TCERG1: variants seen among roughly 807,000 people sequenced by gnomAD.
TCERG1 encodes TATA box binding protein (TBP)-associated factor, RNA polymerase II, S, 150kD.
A neutral mutation model predicts 144.7 loss-of-function variants in TCERG1; 37 were observed. That is an observed-to-expected ratio of 0.26 (90% CI 0.20 to 0.34). The LOEUF is 0.34. TCERG1 is among the 10% of genes least tolerant of loss of function. The probability of loss-of-function intolerance (pLI) is 1.00; values close to 1 mark genes in which losing one functional copy is unlikely to be tolerated. For synonymous variants in TCERG1, 492 were observed against 458.2 expected, an observed-to-expected ratio of 1.07 and a Z score of -0.94; for missense variants, 1,027 against 1,380.7, an observed-to-expected ratio of 0.74 and a Z score of 4.06.
intron 14 of TCERG1, 58 bp from the exon 15 acceptor site, chr5:146,483,482 T>G: frequency 6.8e-7 from 1 of 1,473,534 alleles, no homozygotes; most frequent in East Asian, 2.3e-5. Flanking sequence ...AGCAAAATTA[T>G]GACCTTTATA....
chr5:146,483,419 A>C, intron 14 of TCERG1, 121 bp from the exon 15 acceptor site: 1 of 781,804 alleles, frequency 1.3e-6, no homozygotes, highest in Non-Finnish European at 2.0e-6. Context: ...TAGTGATGGA[A>C]ACTTCAGTAT....
rs373316151 is a variant in TCERG1, at chr5:146,480,105, C to A, written c.1886+11C>A. The A allele has an allele frequency of 1.3e-6, 2 of 1,569,880 alleles. No homozygotes were observed. Among genetic ancestry groups the A allele is most frequent in the Non-Finnish European group, 1.7e-6 (2 of 1,156,406 alleles). On this transcript the variant is annotated intron_variant, in intron 12 of 22. Coordinates refer to ENST00000679501, the MANE Select transcript of TCERG1 (RefSeq NM_001382548.1). Reference sequence around the variant, plus strand: ...AGCAAAAAAACGGAAGTAAGTAATACATACGATTTGATTGAGGTAGATTAT... The same window carrying A: ...AGCAAAAAAACGGAAGTAAGTAATAAATACGATTTGATTGAGGTAGATTAT...
chr5:146,469,502 G>A (rs377233643), intron 6 of TCERG1, 42 bp from the exon 7 acceptor site: 22 of 1,474,102 alleles, frequency 1.5e-5, no homozygotes, highest in African/African-American at 1.3e-4. Flanking sequence ...TTTGTATTGC[G>A]GTTTGATACT....
chr5:146,506,799 C>G (rs1241515372), intron 19 of TCERG1, among the ~76,000 whole-genome samples: 1 of 152,116 alleles, frequency 6.6e-6, no homozygotes, highest in African/African-American at 2.4e-5. Flanking sequence ...ATGTTGTCCT[C>G]TAGGTTTATC....
At chr5:146,497,756 G>A in intron 16 of TCERG1, among the ~76,000 whole-genome samples, 1 of 152,154 alleles carries the variant, frequency 6.6e-6, no homozygotes, top group East Asian at 1.9e-4. Context: ...TAGCCTTCCA[G>A]CTCTGTTTTC....
chr5:146,453,319 TG>T (rs1762521382), intron 1 of TCERG1, among the ~76,000 whole-genome samples: 1 of 152,158 alleles, frequency 6.6e-6, no homozygotes, highest in Non-Finnish European at 1.5e-5. Context: ...ATTTACAAAA[TG>T]TCGCAAAAAT....
chr5:146,510,466 G>C lies in TCERG1; in HGVS notation c.3172G>C (p.Asp1058His). Residue 1058 changes from aspartate (D) to histidine (H), a missense_variant, in exon 23 of 23, where the codon GAT becomes CAT. By Grantham distance (81) the Asp-to-His change is moderately conservative. This residue lies in a region of TCERG1 where 133 missense variants were observed against 283.2 expected (regional missense o/e 0.47). Coordinates refer to ENST00000679501, the MANE Select transcript of TCERG1 (RefSeq NM_001382548.1). ...ATCCAAAAAATTAATCCAAGAATCA[G>C]ATCAGCACCTGAAAGATGTAGAAAA... ...YRSKKLIQESDQHLKDVEKIL... is the reference protein window; with the variant it reads ...YRSKKLIQESHQHLKDVEKIL... The C allele has an allele frequency of 6.2e-7, 1 of 1,613,674 alleles. No homozygotes were observed. Among genetic ancestry groups the C allele is most frequent in the Non-Finnish European group, 8.5e-7 (1 of 1,179,790 alleles).
At chr5:146,483,513 A>G in intron 14 of TCERG1, 27 bp from the exon 15 acceptor site, 1 of 1,590,526 alleles carries the variant, frequency 6.3e-7, no homozygotes, top group South Asian at 1.1e-5. Flanking sequence ...AGACTTAATT[A>G]TGAGGCAATA....
intron 21 of TCERG1, among the ~76,000 whole-genome samples, chr5:146,508,929 A>G (rs923505139): frequency 6.6e-6 from 1 of 152,190 alleles, no homozygotes; most frequent in Non-Finnish European, 1.5e-5. Context: ...CTAATTTATG[A>G]TTCCTCATTC....
intron 13 of TCERG1, 115 bp from the exon 14 acceptor site, chr5:146,482,477 C>A: frequency 9.6e-7 from 1 of 1,039,554 alleles, no homozygotes; most frequent in Non-Finnish European, 1.3e-6. Context: ...TTTGTTTTTG[C>A]CAAAAATATG....
Position 146,510,581 on chromosome 5 carries a change from A to G in TCERG1, c.3287A>G (p.Asp1096Gly), listed in dbSNP as rs1280155645. The change falls in exon 23 of 23, where the codon GAT (aspartate) becomes GGT (glycine). Residue 1096 changes from aspartate to glycine, a missense_variant. Asp to Gly is a moderately conservative substitution (Grantham distance 94). Coordinates refer to ENST00000679501, the MANE Select transcript of TCERG1 (RefSeq NM_001382548.1). The stretch of plus-strand genomic sequence containing the variant: ...ATTGTGGCATATGTTGATGACCTGG[A>G]TCGCCGGGGTCCACCCCCACCTCCC... ...KLIVAYVDDL[D>G]RRGPPPPPTA... 4 of 1,614,170 alleles carry G rather than the reference A, an allele frequency of 2.5e-6. No individual in the cohort carries two copies. Among genetic ancestry groups the G allele is most frequent in the Non-Finnish European group, 3.4e-6 (4 of 1,180,022 alleles).
chr5:146,458,155 G>C (rs1762994854), intron 3 of TCERG1, among the ~76,000 whole-genome samples: 1 of 151,540 alleles, frequency 6.6e-6, no homozygotes, highest in African/African-American at 2.4e-5. Context: ...CTGGCCCTAA[G>C]TTATTTTATT....
intron 10 of TCERG1, 143 bp from the exon 11 acceptor site, chr5:146,479,712 G>A (rs752836730): frequency 1.9e-4 from 141 of 732,204 alleles, no homozygotes; most frequent in Non-Finnish European, 2.8e-4. Flanking sequence ...TAGAGGAAGT[G>A]TAGAATTATG....
intron 18 of TCERG1, 87 bp from the exon 19 acceptor site, chr5:146,503,737 A>T (rs1161346369): frequency 1.4e-6 from 2 of 1,480,376 alleles, no homozygotes; most frequent in East Asian, 4.6e-5. Context: ...CTAGATTTGG[A>T]ATTTTTTATT....
intron 2 of TCERG1, 85 bp from the exon 3 acceptor site, chr5:146,457,098 C>A: frequency 6.6e-7 from 1 of 1,516,510 alleles, no homozygotes; most frequent in Non-Finnish European, 8.9e-7. Flanking sequence ...GTTTCTCTTA[C>A]AGTGTTTTAC....
At chr5:146,455,803 T>C (rs759540076) in intron 2 of TCERG1, among the ~76,000 whole-genome samples, 17 of 152,210 alleles carry the variant, frequency 1.1e-4, no homozygotes, top group Non-Finnish European at 2.2e-4. Flanking sequence ...TATCTTACTC[T>C]TTTTGAAAAC....
chr5:146,455,092 G>A lies in TCERG1; in HGVS notation c.96G>A (p.Pro32=), dbSNP rs373601191. 46 of 1,614,080 alleles carry A rather than the reference G, an allele frequency of 2.8e-5. No individual in the cohort carries two copies. Among genetic ancestry groups the A allele is most frequent in the South Asian group, 2.5e-4 (23 of 91,082 alleles). Residue 32 remains proline, a synonymous_variant, in exon 2 of 23, where the codon CCG becomes CCA. Transcript: ENST00000679501. ...AGCAGGCCTTGAGGTTCCGAGGTCC[G>A]GCTCCCCCACCAAATGCAGTGATGC... ...AQQQALRFRG[P]APPPNAVMRG...
chr5:146,480,050 G>A lies in TCERG1; in HGVS notation c.1842G>A (p.Met614Ile). The A allele has an allele frequency of 6.2e-7, 1 of 1,600,534 alleles. No individual in the cohort carries two copies. Among genetic ancestry groups the A allele is most frequent in the Non-Finnish European group, 8.5e-7 (1 of 1,174,488 alleles). Reference sequence around the variant, plus strand: ...TAGTTAAAGAGGAACAAGAATTAATGGAAGAAATTAATGAAGATGAGCCTG... The same window carrying A: ...TAGTTAAAGAGGAACAAGAATTAATAGAAGAAATTAATGAAGATGAGCCTG... ...MSAIKEEQEL[M>I]EEINEDEPVK... is the part of the protein sequence containing the mutation. The change falls in exon 12 of 23, where the codon ATG (methionine) becomes ATA (isoleucine). Residue 614 changes from methionine (M) to isoleucine (I), a missense_variant. Coordinates refer to ENST00000679501, the MANE Select transcript of TCERG1 (RefSeq NM_001382548.1).
Position 146,507,281 on chromosome 5 carries a change from A to ACTG in TCERG1, c.2961+74_2961+75insCTG. ...TAATTTCTTAAAGCAAAGCATTGAT[A>ACTG]TGATTTTTAGTGTCATGGTCTTTAG... On this transcript the variant is annotated intron_variant, in intron 20 of 22. Coordinates refer to ENST00000679501, the MANE Select transcript of TCERG1 (RefSeq NM_001382548.1). This position sits in a 1 kb window ranked among gnomAD's most constrained non-coding sequence, Gnocchi z 4.6. 1 of 1,396,760 alleles carries ACTG rather than the reference A, an allele frequency of 7.2e-7. No individual in the cohort carries two copies. The allele number at this position is 1,396,760 out of a possible 1,614,324, so 86.5% of individuals were successfully genotyped here.
Sources: gnomAD v4.1 joint callset for allele counts (sites outside exome capture counted in the v4.1 genomes callset) on GRCh38, gnomAD v4.1.1 for gene constraint, gnomAD v4.1.1 regional missense constraint, Gnocchi (gnomAD v3.1) non-coding constraint, MANE v1.5 for transcripts, NCBI Gene and HGNC (gene_info 2026-07-23, HGNC 2026-07-21) for gene names.